The following CSMD3 variants were observed in gnomAD, a reference collection of about 807,000 sequenced individuals.
The protein encoded by CSMD3 is CUB and Sushi multiple domains 3.
A neutral mutation model predicts 435.2 loss-of-function variants in CSMD3; 177 were observed. The observed-to-expected ratio is 0.41, with a 90% CI of 0.36 to 0.46. The LOEUF is 0.46. Ranked by LOEUF, CSMD3 falls within the 20% of genes least tolerant of loss-of-function variation. The probability of loss-of-function intolerance (pLI) is 0.34; values close to 1 mark genes in which losing one functional copy is unlikely to be tolerated. For synonymous variants in CSMD3, 1,656 were observed against 1,520.5 expected (o/e 1.09, Z -2.07); for missense variants, 4,265 against 4,504.6 (o/e 0.95, Z 1.52).
intron 13 of CSMD3, among the ~76,000 whole-genome samples, chr8:112,707,279 T>C (rs756507590): frequency 1.4e-4 from 21 of 152,058 alleles, no homozygotes; most frequent in Non-Finnish European, 2.6e-4. Context: ...TCTTACTTAT[T>C]ATGAAAGACT....
intron 6 of CSMD3, among the ~76,000 whole-genome samples, chr8:112,983,442 C>G (rs1301525588): frequency 2.0e-5 from 3 of 151,128 alleles, no homozygotes; most frequent in African/African-American, 7.3e-5. Context: ...CGCTTATCCC[C>G]CACATCTTTC....
Position 112,656,242 on chromosome 8 carries a change from C to G in CSMD3, c.2916G>C (p.Gln972His), listed in dbSNP as rs2131661596. 5 of 1,608,694 alleles carry G rather than the reference C, an allele frequency of 3.1e-6. No homozygotes were observed. Among genetic ancestry groups the G allele is most frequent in the Non-Finnish European group, 8.5e-7 (1 of 1,175,338 alleles). Residue 972 changes from glutamine to histidine, a missense_variant, in exon 18 of 71, where the codon CAG becomes CAC. Physicochemically the swap from Gln to His is conservative, Grantham distance 24 (BLOSUM62 0). Coordinates refer to ENST00000297405, the MANE Select transcript of CSMD3 (RefSeq NM_198123.2). ...LGSYNGTQVP[Q>H]FLFSSSNFIY... is the part of the protein sequence containing the mutation. ...TAAAATTACTGCTACTAAATAGAAA[C>G]TGGGGCACTTGGGTGCCATTGTAAG...
At chr8:112,498,741 CT>C (rs999130553) in intron 30 of CSMD3, among the ~76,000 whole-genome samples, 1 of 151,788 alleles carries the variant, frequency 6.6e-6, no homozygotes, top group Non-Finnish European at 1.5e-5. Flanking sequence ...TCTTTTCTTT[CT>C]TTTTTAAACA....
intron 12 of CSMD3, among the ~76,000 whole-genome samples, chr8:112,801,933 A>T (rs781560597): frequency 3.9e-5 from 6 of 151,964 alleles, no homozygotes; most frequent in African/African-American, 1.2e-4. Flanking sequence ...ACATCCTCCT[A>T]TAACATTCAT....
intron 27 of CSMD3, among the ~76,000 whole-genome samples, chr8:112,545,115 G>T (rs936610355): frequency 6.6e-6 from 1 of 151,950 alleles, no homozygotes; most frequent in Non-Finnish European, 1.5e-5. Flanking sequence ...GCAGTCTTAC[G>T]TATCATTCAA....
At chr8:112,880,916 T>A (rs553017672) in intron 10 of CSMD3, among the ~76,000 whole-genome samples, 2 of 152,190 alleles carry the variant, frequency 1.3e-5, no homozygotes, top group South Asian at 4.1e-4. Flanking sequence ...ATAAAATCCT[T>A]AAAAATGTAG....
chr8:113,015,209 C>T (rs2086409747), intron 6 of CSMD3, among the ~76,000 whole-genome samples: 2 of 152,014 alleles, frequency 1.3e-5, no homozygotes, highest in South Asian at 4.1e-4. Flanking sequence ...TATGAAAGGG[C>T]ATTTTCGATA....
chr8:112,895,251 A>G (rs1472994178), intron 10 of CSMD3, among the ~76,000 whole-genome samples: 3 of 151,424 alleles, frequency 2.0e-5, no homozygotes, highest in Admixed American at 2.0e-4. Context: ...TAATTATTTT[A>G]AAAAATAATG....
intron 23 of CSMD3, 142 bp downstream of exon 23, chr8:112,586,924 A>G: frequency 2.1e-6 from 1 of 482,560 alleles, no homozygotes. Flanking sequence ...TTAATGTATA[A>G]TTTGAATGTG....
intron 5 of CSMD3, among the ~76,000 whole-genome samples, chr8:113,078,335 CAG>C (rs1410018677): frequency 1.3e-5 from 2 of 152,170 alleles, no homozygotes; most frequent in Non-Finnish European, 2.9e-5. Flanking sequence ...AGAGATCAAA[CAG>C]AAAGATTAAA....
At chr8:113,387,194 T>G (rs1385415779) in intron 1 of CSMD3, among the ~76,000 whole-genome samples, 1 of 151,750 alleles carries the variant, frequency 6.6e-6, no homozygotes, top group East Asian at 1.9e-4. Context: ...GATCCAACAG[T>G]GTTGGAGGAA....
chr8:113,352,552 A>G (rs1320430905), intron 1 of CSMD3, among the ~76,000 whole-genome samples: 1 of 152,202 alleles, frequency 6.6e-6, no homozygotes, highest in African/African-American at 2.4e-5. Context: ...TCATTTCTGC[A>G]CACCTGCTAA....
chr8:112,691,292 C>T lies in CSMD3; in HGVS notation c.1973-1242G>A, dbSNP rs2076132016. ...ATTTTCTTAGACTTTTTTTATCTATCAGGGACATTGGTCTATAACTTTTTT... is the reference window on the plus strand; with the variant it reads ...ATTTTCTTAGACTTTTTTTATCTATTAGGGACATTGGTCTATAACTTTTTT... On this transcript the variant is annotated intron_variant, in intron 13 of 70. Transcript: ENST00000297405. Among the ~76,000 whole-genome samples the T allele has an allele frequency of 2.0e-5, 3 of 151,996 alleles. No individual in the cohort carries two copies. The South Asian group carries it at 6.2e-4, about 32-fold the overall frequency.
chr8:112,267,989 T>C (rs1310309231), intron 59 of CSMD3, among the ~76,000 whole-genome samples: 1 of 152,166 alleles, frequency 6.6e-6, no homozygotes. Context: ...ATAGTAGCTC[T>C]TTAGTGCTTC....
At position 112,270,363 on chromosome 8, in the gene CSMD3, T is replaced by TGTGTGTGTGTGTGTGTGTGTTAGGGGTGA. The variant is rs1817392559; in HGVS notation, c.9509-4774_9509-4773insTCACCCCTAACACACACACACACACACAC. ...GGGTGAGTGTGTGTGTGTGTGTGTGTGTGTGTGTGTGTGTGTGTGTGTGTG... is the reference window on the plus strand; with the variant it reads ...GGGTGAGTGTGTGTGTGTGTGTGTGTGTGTGTGTGTGTGTGTGTGTTAGGGGTGAGTGTGTGTGTGTGTGTGTGTGTGTG... On this transcript the variant is annotated intron_variant, in intron 59 of 70. Coordinates refer to ENST00000297405, the MANE Select transcript of CSMD3 (RefSeq NM_198123.2). Among the ~76,000 whole-genome samples the TGTGTGTGTGTGTGTGTGTGTTAGGGGTGA allele has an allele frequency of 7.9e-5, 11 of 139,664 alleles. No individual in the cohort carries two copies. The South Asian group carries it at 1.9e-3, about 24-fold the overall frequency. 91.6% of individuals were successfully genotyped at this position (139,664 alleles called of 152,430 possible).
At chr8:112,228,157 T>C (rs1330753792) in intron 70 of CSMD3, among the ~76,000 whole-genome samples, 1 of 152,194 alleles carries the variant, frequency 6.6e-6, no homozygotes, top group Non-Finnish European at 1.5e-5. Flanking sequence ...TAGTGGGATA[T>C]AGTAAAGCAC....
intron 13 of CSMD3, among the ~76,000 whole-genome samples, chr8:112,712,829 A>C (rs2076639336): frequency 6.6e-6 from 1 of 151,638 alleles, no homozygotes; most frequent in Admixed American, 6.6e-5. Context: ...AGTTTCTCTC[A>C]TGACATATTG....
intron 1 of CSMD3, among the ~76,000 whole-genome samples, chr8:113,375,410 A>C (rs1028812692): frequency 6.6e-6 from 1 of 152,136 alleles, no homozygotes; most frequent in Admixed American, 6.5e-5. Flanking sequence ...TTAGACTATA[A>C]TTTAGAAGTT....
At chr8:113,152,877 A>G (rs1415339104) in intron 4 of CSMD3, among the ~76,000 whole-genome samples, 1 of 151,802 alleles carries the variant, frequency 6.6e-6, no homozygotes, top group African/African-American at 2.4e-5. Flanking sequence ...AGGCTGAGGC[A>G]TAAGAGTCAT....
Sources: allele counts gnomAD v4.1 joint callset (sites outside exome capture counted in the v4.1 genomes callset), GRCh38; gene constraint gnomAD v4.1.1; transcripts MANE v1.5; gene names NCBI Gene and HGNC (gene_info 2026-07-23, HGNC 2026-07-21).